The following TTC29 variants were observed in gnomAD, a reference collection of about 807,000 sequenced individuals.
The protein encoded by TTC29 is tetratricopeptide repeat protein 29.
Under a neutral mutation model 58.1 loss-of-function variants are expected in TTC29, and 49 were observed. That is an observed-to-expected ratio of 0.84 (90% CI 0.67 to 1.07). The LOEUF (loss-of-function observed/expected upper bound fraction) is 1.07. TTC29 is among the 50% of genes least tolerant of loss of function. The probability of loss-of-function intolerance (pLI) is 0.00; values close to 1 mark genes in which losing one functional copy is unlikely to be tolerated. For synonymous variants in TTC29, 209 were observed against 196.8 expected (o/e 1.06, Z -0.52); for missense variants, 582 against 555.6 (o/e 1.05, Z -0.48).
chr4:146,854,032 C>T (rs1729677437), intron 8 of TTC29, among the ~76,000 whole-genome samples: 1 of 152,114 alleles, frequency 6.6e-6, no homozygotes, highest in African/African-American at 2.4e-5. Context: ...CACCAGCTCC[C>T]TCATCCCTCC....
At chr4:146,758,669 A>C (rs1746635358) in intron 11 of TTC29, among the ~76,000 whole-genome samples, 1 of 152,182 alleles carries the variant, frequency 6.6e-6, no homozygotes, top group Admixed American at 6.6e-5. Context: ...ATAAAACTGG[A>C]AATCAACTCC....
intron 10 of TTC29, chr4:146,812,979 G>A (rs755489920): frequency 2.0e-5 from 3 of 152,096 alleles, no homozygotes; most frequent in Non-Finnish European, 2.9e-5. Context: ...TGAATCTTAC[G>A]GGAAGAGAAC....
intron 10 of TTC29, among the ~76,000 whole-genome samples, chr4:146,809,702 A>G (rs1007743853): frequency 1.3e-5 from 2 of 150,108 alleles, no homozygotes; most frequent in Non-Finnish European, 3.0e-5. Flanking sequence ...TGCAAATCAA[A>G]ACCACAATGA....
intron 4 of TTC29, among the ~76,000 whole-genome samples, chr4:146,926,338 T>G (rs1734928310): frequency 6.6e-6 from 1 of 152,208 alleles, no homozygotes; most frequent in Admixed American, 6.5e-5. Context: ...TACCCAGAAG[T>G]TGAAAGAAAA....
Position 146,740,820 on chromosome 4 carries a change from T to C in TTC29, c.1331-33269A>G, listed in dbSNP as rs527247046. Among the ~76,000 whole-genome samples, 536 of 152,174 alleles carry C rather than the reference T, an allele frequency of 3.5e-3. 1 individual carries two copies. The highest frequency in any genetic ancestry group is 5.7e-3 in the Non-Finnish European group (389 of 67,986). ...TCATAGCTCATAGCAGCCTTGAACT[T>C]CTGGGCTCAAGTGATCCTCCCGCCT... On this transcript the variant is annotated intron_variant, in intron 11 of 12. Coordinates refer to ENST00000325106, the MANE Select transcript of TTC29 (RefSeq NM_031956.4).
intron 2 of TTC29, among the ~76,000 whole-genome samples, chr4:146,940,663 G>A (rs546086221): frequency 2.6e-5 from 4 of 152,324 alleles, no homozygotes; most frequent in African/African-American, 9.6e-5. Context: ...AGTGGTTGAT[G>A]CTGTTAGCTG....
chr4:146,923,112 T>C (rs903722208), intron 4 of TTC29, among the ~76,000 whole-genome samples: 5 of 151,852 alleles, frequency 3.3e-5, no homozygotes, highest in African/African-American at 4.8e-5. Context: ...CAAGTAACCA[T>C]TGTAATTTCT....
intron 11 of TTC29, among the ~76,000 whole-genome samples, chr4:146,753,281 G>T (rs1746162520): frequency 6.6e-6 from 1 of 152,150 alleles, no homozygotes; most frequent in Non-Finnish European, 1.5e-5. Flanking sequence ...CATTTATGCA[G>T]CCAAAAAACA....
At chr4:146,783,964 A>G (rs1748814046) in intron 11 of TTC29, among the ~76,000 whole-genome samples, 1 of 151,896 alleles carries the variant, frequency 6.6e-6, no homozygotes, top group Non-Finnish European at 1.5e-5. Context: ...CCTAAGACTC[A>G]TTTCTATCTC....
intron 7 of TTC29, 79 bp downstream of exon 7, chr4:146,874,637 A>C: frequency 1.7e-6 from 2 of 1,155,978 alleles, no homozygotes; most frequent in Non-Finnish European, 2.5e-6. Context: ...CTAACACTTG[A>C]CGATTTTTAC....
At chr4:146,884,896 G>A (rs181383181) in intron 6 of TTC29, among the ~76,000 whole-genome samples, 161 of 152,044 alleles carry the variant, frequency 1.1e-3, no homozygotes, top group African/African-American at 3.5e-3. Context: ...GTACATAAAG[G>A]AGGCTTTATT....
chr4:146,878,273 G>A (rs1171936289), intron 6 of TTC29, among the ~76,000 whole-genome samples: 1 of 152,092 alleles, frequency 6.6e-6, no homozygotes, highest in Non-Finnish European at 1.5e-5. Context: ...CATGGTTATT[G>A]GCCAAAGTTC....
At chr4:146,733,414 A>G (rs955759101) in intron 11 of TTC29, among the ~76,000 whole-genome samples, 1 of 152,132 alleles carries the variant, frequency 6.6e-6, no homozygotes. Flanking sequence ...ATCACAATTT[A>G]AAAAATTAAT....
chr4:146,943,793 C>G (rs1736657408), intron 2 of TTC29, among the ~76,000 whole-genome samples: 1 of 152,098 alleles, frequency 6.6e-6, no homozygotes, highest in Non-Finnish European at 1.5e-5. Flanking sequence ...AATTAAATAC[C>G]TGTAAAGAAA....
At chr4:146,740,452 C>A (rs141850647) in intron 11 of TTC29, among the ~76,000 whole-genome samples, 234 of 151,980 alleles carry the variant, frequency 1.5e-3, no homozygotes, top group African/African-American at 4.2e-3. Flanking sequence ...TATTATTATA[C>A]TTTAAGTTTT....
chr4:146,848,965 T>C (rs1729348885), intron 8 of TTC29, among the ~76,000 whole-genome samples: 1 of 152,334 alleles, frequency 6.6e-6, no homozygotes, highest in Non-Finnish European at 1.5e-5. Context: ...CATCCCAGCC[T>C]GGGGAGCTAT....
chr4:146,894,182 A>G (rs572151792), intron 6 of TTC29, among the ~76,000 whole-genome samples: 186 of 152,308 alleles, frequency 1.2e-3, no homozygotes, highest in African/African-American at 4.2e-3. Context: ...ATTACTGGGT[A>G]TATACCCAAA....
intron 4 of TTC29, among the ~76,000 whole-genome samples, chr4:146,936,867 T>C (rs534520139): frequency 1.3e-5 from 2 of 152,192 alleles, no homozygotes; most frequent in East Asian, 1.9e-4. Flanking sequence ...ATTGAAACAA[T>C]TAATGAATTC....
At chr4:146,782,549 T>C (rs1439701071) in intron 11 of TTC29, among the ~76,000 whole-genome samples, 2 of 151,978 alleles carry the variant, frequency 1.3e-5, no homozygotes, top group East Asian at 3.8e-4. Context: ...AGTTAGGGCA[T>C]ACCACATTCA....
Sources: gnomAD v4.1 joint callset for allele counts (sites outside exome capture counted in the v4.1 genomes callset) on GRCh38, gnomAD v4.1.1 for gene constraint, MANE v1.5 for transcripts, NCBI Gene and HGNC (gene_info 2026-07-23, HGNC 2026-07-21) for gene names.